Variants in VXN observed in about 807,000 individuals in gnomAD.
VXN encodes uncharacterized protein C8orf46.
VXN carries 7 observed loss-of-function variants against 23.1 expected under a neutral mutation model. The ratio of observed to expected loss-of-function variants is 0.30; its 90% CI spans 0.17 to 0.57. The LOEUF (loss-of-function observed/expected upper bound fraction) is 0.57. Among genes scored for constraint, VXN ranks in the 20% least tolerant of loss-of-function variants. VXN has a pLI of 0.91. For missense variants in VXN, 238 were observed against 272.6 expected, an observed-to-expected ratio of 0.87 and a Z score of 0.89; for synonymous variants, 120 against 105.8, an observed-to-expected ratio of 1.13 and a Z score of -0.83.
chr8:66,515,377 C>T (rs1371386894), intron 5 of VXN, among the ~76,000 whole-genome samples: 1 of 152,198 alleles, frequency 6.6e-6, no homozygotes, highest in Non-Finnish European at 1.5e-5. Flanking sequence ...GTGCCAGATG[C>T]TTCACTCTTT....
At chr8:66,510,316 C>A in intron 4 of VXN, 159 bp downstream of exon 4, 1 of 619,926 alleles carries the variant, frequency 1.6e-6, no homozygotes, top group Non-Finnish European at 2.8e-6. Flanking sequence ...CAAAAGCTCT[C>A]AGTTGGCCCT....
chr8:66,515,227 G>A (rs185767757), intron 5 of VXN, among the ~76,000 whole-genome samples: 2 of 152,260 alleles, frequency 1.3e-5, no homozygotes, highest in East Asian at 3.9e-4. Flanking sequence ...GTTCTAAATG[G>A]CTCCCTTCTC....
At chr8:66,514,801 T>C (rs928848318) in intron 5 of VXN, among the ~76,000 whole-genome samples, 1 of 152,170 alleles carries the variant, frequency 6.6e-6, no homozygotes, top group African/African-American at 2.4e-5. Context: ...GAAACTTATC[T>C]AGTAGTTGGG....
chr8:66,513,959 T>A, intron 5 of VXN: 1 of 264,508 alleles, frequency 3.8e-6, no homozygotes, highest in Non-Finnish European at 7.1e-6. Context: ...GAACCTCCCA[T>A]AGGCATGCAG....
chr8:66,509,591 C>T (rs1807798734), intron 3 of VXN, among the ~76,000 whole-genome samples: 1 of 152,152 alleles, frequency 6.6e-6, no homozygotes, highest in African/African-American at 2.4e-5. Flanking sequence ...AGACTTAATT[C>T]CAAGAACCTG....
chr8:66,514,849 C>G (rs1376358309), intron 5 of VXN, among the ~76,000 whole-genome samples: 1 of 152,124 alleles, frequency 6.6e-6, no homozygotes, highest in Non-Finnish European at 1.5e-5. Context: ...TGCAAGCAGG[C>G]GGGGCTCCAG....
At chr8:66,500,009 G>A (rs142520465) in intron 2 of VXN, among the ~76,000 whole-genome samples, 2,064 of 152,222 alleles carry the variant, frequency 0.014, 22 homozygotes, top group Middle Eastern at 0.037. Flanking sequence ...TTACAGGCCT[G>A]AGCCACTGTG....
rs1049267511 is a variant in VXN at position 66,517,333 on chromosome 8, C to T, written c.*1257C>T. ...TACTAGGCAATTTATATATATCATC[C>T]TAATCTTTCTAAAAACTCTATTAGG... On this transcript the variant is annotated 3_prime_UTR_variant, in exon 6 of 6. Coordinates refer to ENST00000305454, the MANE Select transcript of VXN (RefSeq NM_152765.4). 3.9e-5 allele frequency: 6 copies of T among 152,114 alleles called. No individual in the cohort carries two copies. Among genetic ancestry groups the T allele is most frequent in the Admixed American group, 3.3e-4 (5 of 15,270 alleles). 9.4% of individuals were successfully genotyped at this position (152,114 alleles called of 1,614,324 possible).
chr8:66,498,160 T>A (rs1215854489), intron 2 of VXN, among the ~76,000 whole-genome samples: 1 of 126,728 alleles, frequency 7.9e-6, no homozygotes, highest in Non-Finnish European at 1.7e-5. Flanking sequence ...AGAACAAGAC[T>A]CCGTCTCAAA....
rs758750642 is a variant in VXN, at chr8:66,516,071, G to T, written c.619G>T (p.Asp207Tyr). Residue 207 changes from aspartate (D) to tyrosine (Y), a missense_variant, in exon 6 of 6, where the codon GAC (aspartate) becomes TAC (tyrosine). Asp to Tyr is a radical substitution (Grantham distance 160). Transcript: ENST00000305454. ...VGATNSAFEA[D>Y] ...AGCCACCAACAGCGCCTTTGAGGCC[G>T]ACTAAAGGTGACCCTCTTCAAGTGC... The T allele has an allele frequency of 6.2e-7, 1 of 1,604,492 alleles. No homozygotes were observed. The highest frequency in any genetic ancestry group is 8.5e-7 in the Non-Finnish European group (1 of 1,177,278).
At chr8:66,506,316 C>G (rs1336033526) in intron 3 of VXN, among the ~76,000 whole-genome samples, 1 of 146,948 alleles carries the variant, frequency 6.8e-6, no homozygotes, top group Admixed American at 6.8e-5. Flanking sequence ...TAAAATCTTA[C>G]CATTCTAAAT....
chr8:66,516,961 TG>T lies in VXN; in HGVS notation c.*886del, dbSNP rs1563510804. On this transcript the variant is annotated 3_prime_UTR_variant, in exon 6 of 6. Coordinates refer to ENST00000305454, the MANE Select transcript of VXN (RefSeq NM_152765.4). The stretch of plus-strand genomic sequence containing the variant: ...CCTGCTTTGCCTACTCTCTAGCAAC[TG>T]ACTTGGGGAAGTTTTTAAATGGTGA... 1 of 152,208 alleles carries T rather than the reference TG, an allele frequency of 6.6e-6. No individual in the cohort carries two copies. The highest frequency in any genetic ancestry group is 1.5e-5 in the Non-Finnish European group (1 of 68,028). 9.4% of individuals were successfully genotyped at this position (152,208 alleles called of 1,614,324 possible). A position where few individuals can be genotyped will look rare whatever the true frequency, so the allele number is the denominator to read the frequency against.
chr8:66,507,715 AAG>A (rs140791519), intron 3 of VXN, among the ~76,000 whole-genome samples: 5 of 151,018 alleles, frequency 3.3e-5, no homozygotes, highest in African/African-American at 4.9e-5. Flanking sequence ...GTTTCAAAAA[AAG>A]AGAGAGAGAG....
At chr8:66,509,936 C>G (rs1286846577) in intron 3 of VXN, among the ~76,000 whole-genome samples, 160 bp from the exon 4 acceptor site, 1 of 152,140 alleles carries the variant, frequency 6.6e-6, no homozygotes, top group Non-Finnish European at 1.5e-5. Context: ...TGACAGTTGC[C>G]TTGTGGCCTG....
In VXN at chr8:66,516,576, T is replaced by C. The variant is rs1328093330; in HGVS notation, c.*500T>C. On this transcript the variant is annotated 3_prime_UTR_variant, in exon 6 of 6. Transcript: ENST00000305454. ...ATATATAAAGTTAGTAGTTCTAATA[T>C]CCACTTGAGAGTATACTCAAGATTG... 6.6e-6 allele frequency: 1 copy of C among 152,238 alleles called. No individual in the cohort carries two copies. The highest frequency in any genetic ancestry group is 1.5e-5 in the Non-Finnish European group (1 of 68,068). The allele number at this position is 152,238 out of a possible 1,614,324, so 9.4% of individuals were successfully genotyped here.
At chr8:66,510,569 G>A (rs1309281825) in intron 4 of VXN, among the ~76,000 whole-genome samples, 1 of 152,194 alleles carries the variant, frequency 6.6e-6, no homozygotes, top group Non-Finnish European at 1.5e-5. Context: ...CAAAACACCA[G>A]TGTCTTAGTT....
chr8:66,516,176 C>A lies in VXN; in HGVS notation c.*100C>A. On this transcript the variant is annotated 3_prime_UTR_variant, in exon 6 of 6. Transcript: ENST00000305454. Reference sequence around the variant, plus strand: ...GAGCCACACGCACCTCTGCTAGTAGCTGGTCCAAACCCATTATCCTCCCTC... The same window carrying A: ...GAGCCACACGCACCTCTGCTAGTAGATGGTCCAAACCCATTATCCTCCCTC... 4 of 1,092,050 alleles carry A rather than the reference C, an allele frequency of 3.7e-6. No homozygotes were observed. Among genetic ancestry groups the A allele is most frequent in the Non-Finnish European group, 5.1e-6 (4 of 787,308 alleles). The allele number at this position is 1,092,050 out of a possible 1,614,324, so 67.6% of individuals were successfully genotyped here.
At position 66,503,672 on chromosome 8, in the gene VXN, C is replaced by G. The variant is rs535904758; in HGVS notation, c.127-1703C>G. On this transcript the variant is annotated intron_variant, in intron 2 of 5. Coordinates refer to ENST00000305454, the MANE Select transcript of VXN (RefSeq NM_152765.4). Reference sequence around the variant, plus strand: ...CTCATTAACATCCCATACCACCATCCTAATTCTCTAATCTTGCTCCTATAC... The same window carrying G: ...CTCATTAACATCCCATACCACCATCGTAATTCTCTAATCTTGCTCCTATAC... The G allele has an allele frequency of 5.3e-5, 8 of 152,372 alleles. No individual in the cohort carries two copies. In the East Asian group the frequency reaches 1.5e-3, roughly 29 times the overall value. The allele number at this position is 152,372 out of a possible 1,614,324, so 9.4% of individuals were successfully genotyped here.
chr8:66,515,909 A>G lies in VXN; in HGVS notation c.457A>G (p.Lys153Glu). The change falls in exon 6 of 6, where the codon AAG becomes GAG. Residue 153 changes from lysine to glutamate, a missense_variant. By Grantham distance (56) the Lys-to-Glu change is moderately conservative. Coordinates refer to ENST00000305454, the MANE Select transcript of VXN (RefSeq NM_152765.4). ...TTTCTTTAGATCCAGACATCTCAAG[A>G]AGATGACTGAAGAGTATCCAGCCCT... ...VLMRGSRHLK[K>E]MTEEYPALPQ... 6.2e-7 allele frequency: 1 copy of G among 1,601,456 alleles called. No homozygotes were observed. Among genetic ancestry groups the G allele is most frequent in the Non-Finnish European group, 8.5e-7 (1 of 1,174,306 alleles).
Sources: gnomAD v4.1 joint callset for allele counts (sites outside exome capture counted in the v4.1 genomes callset) on GRCh38, gnomAD v4.1.1 for gene constraint, MANE v1.5 for transcripts, NCBI Gene and HGNC (gene_info 2026-07-23, HGNC 2026-07-21) for gene names.